PTPRF: variants seen among roughly 807,000 people sequenced by gnomAD.
PTPRF encodes the protein receptor-type tyrosine-protein phosphatase F.
Under a neutral mutation model 201.8 loss-of-function variants are expected in PTPRF, and 59 were observed. That is an observed-to-expected ratio of 0.29 (90% CI 0.24 to 0.36). The LOEUF (loss-of-function observed/expected upper bound fraction) is 0.36. Among genes scored for constraint, PTPRF ranks in the 10% least tolerant of loss-of-function variants. PTPRF has a pLI of 1.00. For missense variants in PTPRF, 2,132 were observed against 2,690.5 expected, an observed-to-expected ratio of 0.79 and a Z score of 4.59; for synonymous variants, 1,088 against 1,089.7, an observed-to-expected ratio of 1.00 and a Z score of 0.03.
intron 16 of PTPRF, 144 bp downstream of exon 16, chr1:43,604,333 C>A (rs2154025061): frequency 1.2e-6 from 1 of 843,934 alleles, no homozygotes; most frequent in Non-Finnish European, 1.8e-6. Flanking sequence ...TGACCACTAA[C>A]CTCTAGTGAA....
chr1:43,601,193 C>T (rs1435486590), intron 13 of PTPRF, among the ~76,000 whole-genome samples: 5 of 152,200 alleles, frequency 3.3e-5, no homozygotes, highest in Non-Finnish European at 7.3e-5. Context: ...CTGGAGGACC[C>T]CAGGTACTTC....
chr1:43,570,309 G>A lies in PTPRF; in HGVS notation c.568+531G>A, dbSNP rs1450683369. Among the ~76,000 whole-genome samples the A allele has an allele frequency of 2.0e-5, 3 of 152,358 alleles. No individual in the cohort carries two copies. In the South Asian group the frequency reaches 6.2e-4, roughly 32 times the overall value. On this transcript the variant is annotated intron_variant, in intron 6 of 33. Coordinates refer to ENST00000359947, the MANE Select transcript of PTPRF (RefSeq NM_002840.5). ...GTCGAGCCAGCTCGGAGCCCTGGGA[G>A]CAAGGATGCCATCGTGCAGGAGGGA...
chr1:43,622,035 C>T lies in PTPRF; in HGVS notation c.*32C>T, dbSNP rs751737122. 26 of 1,607,842 alleles carry T rather than the reference C, an allele frequency of 1.6e-5. No individual in the cohort carries two copies. The highest frequency in any genetic ancestry group is 6.7e-5 in the Admixed American group (4 of 60,022). Reference sequence around the variant, plus strand: ...CTCCCCTCTCCTCCGCCACCCCCGCCGTGGGGCTCCGGAGGGGACCCAGCT... The same window carrying T: ...CTCCCCTCTCCTCCGCCACCCCCGCTGTGGGGCTCCGGAGGGGACCCAGCT... On this transcript the variant is annotated 3_prime_UTR_variant, in exon 34 of 34. Transcript: ENST00000359947.
intron 1 of PTPRF, among the ~76,000 whole-genome samples, chr1:43,531,405 C>A (rs1382759050): frequency 1.4e-5 from 2 of 142,920 alleles, no homozygotes; most frequent in South Asian, 2.4e-4. Flanking sequence ...GCCCGCCCCC[C>A]CCACCCAGCG....
intron 7 of PTPRF, among the ~76,000 whole-genome samples, chr1:43,583,779 C>T (rs1052618145): frequency 6.6e-6 from 1 of 152,136 alleles, no homozygotes; most frequent in African/African-American, 2.4e-5. Context: ...TTGTCTTTTC[C>T]TTCTCCAGCC....
At chr1:43,590,097 C>A (rs569145093) in intron 8 of PTPRF, among the ~76,000 whole-genome samples, 1 of 152,192 alleles carries the variant, frequency 6.6e-6, no homozygotes, top group African/African-American at 2.4e-5. Flanking sequence ...CACCCTGTCA[C>A]GCGCCAGCTG....
chr1:43,547,252 C>T (rs1889588), intron 3 of PTPRF, among the ~76,000 whole-genome samples: 43,305 of 152,014 alleles, frequency 0.28, 6,450 homozygotes, highest in South Asian at 0.42. Flanking sequence ...TTGGTAGGGG[C>T]AAGGGGGAAC....
rs558627939 is a variant in PTPRF, at chr1:43,591,697, T to C, written c.1532-115T>C. On this transcript the variant is annotated intron_variant, in intron 9 of 33. Coordinates refer to ENST00000359947, the MANE Select transcript of PTPRF (RefSeq NM_002840.5). ...CCGTATTCCATAGATGTGTGGTCAG[T>C]TGGGATGTAGGATAAGGGTGTGAGG... The C allele has an allele frequency of 2.7e-5, 39 of 1,463,964 alleles. No individual in the cohort carries two copies. The Admixed American group carries it at 6.0e-4, about 22-fold the overall frequency. 90.7% of individuals were successfully genotyped at this position (1,463,964 alleles called of 1,614,324 possible).
chr1:43,604,441 T>C (rs1333558550), intron 16 of PTPRF, among the ~76,000 whole-genome samples: 1 of 152,196 alleles, frequency 6.6e-6, no homozygotes, highest in Non-Finnish European at 1.5e-5. Flanking sequence ...CCCACTGATC[T>C]CTTTTGACTG....
At position 43,542,624 on chromosome 1, in the gene PTPRF, C is replaced by A. The variant is rs540901257; in HGVS notation, c.-45-2407C>A. Among the ~76,000 whole-genome samples, 1 of 152,176 alleles carries A rather than the reference C, an allele frequency of 6.6e-6. No individual in the cohort carries two copies. The highest frequency in any genetic ancestry group is 2.4e-5 in the African/African-American group (1 of 41,478). On this transcript the variant is annotated intron_variant, in intron 2 of 33. Coordinates refer to ENST00000359947, the MANE Select transcript of PTPRF (RefSeq NM_002840.5). The surrounding 1 kb of genome is among the most constrained non-coding windows in gnomAD (Gnocchi z 5.2). ...ATGGCTCTCCTGGGAGCTCTGCCCC[C>A]ACCATGAAGTCTGTAACAGCACGTT...
intron 25 of PTPRF, 50 bp downstream of exon 25, chr1:43,617,961 A>G (rs1474152856): frequency 8.3e-6 from 13 of 1,556,938 alleles, no homozygotes; most frequent in Non-Finnish European, 1.1e-5. Context: ...GCCCAGCCAC[A>G]AGGTGATACA....
intron 7 of PTPRF, among the ~76,000 whole-genome samples, chr1:43,580,330 T>G (rs762632913): frequency 6.6e-6 from 1 of 152,220 alleles, no homozygotes; most frequent in African/African-American, 2.4e-5. Flanking sequence ...AAGGAGTTGC[T>G]GTCTGTCATG....
At chr1:43,620,320 C>T (rs1658901265) in intron 30 of PTPRF, 99 bp downstream of exon 30, 1 of 1,553,034 alleles carries the variant, frequency 6.4e-7, no homozygotes, top group South Asian at 1.2e-5. Flanking sequence ...CTTTGACACC[C>T]CAGCTGCTTG....
intron 5 of PTPRF, among the ~76,000 whole-genome samples, chr1:43,565,284 TCC>T (rs1408994070): frequency 6.6e-6 from 1 of 151,904 alleles, no homozygotes; most frequent in Non-Finnish European, 1.5e-5. Flanking sequence ...CCCCCGACCC[TCC>T]CCTCGCTAGG....
intron 23 of PTPRF, among the ~76,000 whole-genome samples, chr1:43,614,098 A>T (rs1437937703): frequency 3.3e-5 from 5 of 152,216 alleles, no homozygotes; most frequent in Admixed American, 3.3e-4. Flanking sequence ...GCAGGCCAGC[A>T]CCGGTCTGGG....
At chr1:43,535,716 A>C (rs1287063240) in intron 1 of PTPRF, among the ~76,000 whole-genome samples, 1 of 152,162 alleles carries the variant, frequency 6.6e-6, no homozygotes, top group Non-Finnish European at 1.5e-5. Context: ...GATATTGGAC[A>C]TGACTGTGGA....
chr1:43,598,718 A>G lies in PTPRF; in HGVS notation c.2120-2A>G, dbSNP rs1220141358. On this transcript the variant is annotated splice_acceptor_variant, in intron 12 of 33. Coordinates refer to ENST00000359947, the MANE Select transcript of PTPRF (RefSeq NM_002840.5). LOFTEE classifies it high-confidence loss of function. ...GACTTCCTTCTCTACCTGACCCCCC[A>G]GTGCCCAGCGGGCCTCCGCGGAAGG... 6.2e-7 allele frequency: 1 copy of G among 1,611,866 alleles called. No individual in the cohort carries two copies.
At chr1:43,612,408 C>T (rs620064) in intron 22 of PTPRF, among the ~76,000 whole-genome samples, 3,099 of 152,200 alleles carry the variant, frequency 0.02, 93 homozygotes, top group African/African-American at 0.061. Flanking sequence ...TTTTTTCCAA[C>T]GTGGAAATCA....
At chr1:43,617,674 G>A in intron 24 of PTPRF, 62 bp from the exon 25 acceptor site, 1 of 1,599,200 alleles carries the variant, frequency 6.3e-7, no homozygotes, top group Non-Finnish European at 8.6e-7. Flanking sequence ...GTGCACTGAG[G>A]CATGGTGGGC....
Sources: allele counts gnomAD v4.1 joint callset (sites outside exome capture counted in the v4.1 genomes callset), GRCh38; gene constraint gnomAD v4.1.1; non-coding constraint Gnocchi (gnomAD v3.1); transcripts MANE v1.5; gene names NCBI Gene and HGNC (gene_info 2026-07-23, HGNC 2026-07-21).